Variants in MEGF11 observed in about 807,000 individuals in gnomAD.
The protein encoded by MEGF11 is multiple EGF like domains 11, also known as multiple epidermal growth factor-like domains protein 11.
A neutral mutation model predicts 146.6 loss-of-function variants in MEGF11; 126 were observed. The ratio of observed to expected loss-of-function variants is 0.86; its 90% confidence interval spans 0.74 to 1.00. The LOEUF is 1.00. MEGF11 is among the 50% of genes least tolerant of loss of function. The pLI is 0.00. For missense variants in MEGF11, 1,509 were observed against 1,521.2 expected (o/e 0.99, Z 0.13); for synonymous variants, 532 against 583.4 (o/e 0.91, Z 1.27).
At chr15:65,968,680 G>A (rs766810364) in intron 8 of MEGF11, among the ~76,000 whole-genome samples, 1 of 152,048 alleles carries the variant, frequency 6.6e-6, no homozygotes. Context: ...GGAACAGAAG[G>A]ATAATCACAG....
chr15:66,206,959 G>C (rs1391971156), intron 1 of MEGF11, among the ~76,000 whole-genome samples: 3 of 152,114 alleles, frequency 2.0e-5, no homozygotes, highest in Non-Finnish European at 4.4e-5. Flanking sequence ...GCTTTGAGCA[G>C]CCAGAAGAAA....
chr15:66,061,381 G>T (rs950083635), intron 5 of MEGF11, among the ~76,000 whole-genome samples: 9 of 152,194 alleles, frequency 5.9e-5, no homozygotes, highest in Non-Finnish European at 1.3e-4. Flanking sequence ...GGGCTGGAAA[G>T]GCTTGACCCC....
In MEGF11 at chr15:65,993,883, C is replaced by G. The variant is rs558275897; in HGVS notation, c.395-11395G>C. On this transcript the variant is annotated intron_variant, in intron 5 of 25. Coordinates refer to ENST00000395614, the MANE Select transcript of MEGF11 (RefSeq NM_001385028.1). Reference sequence around the variant, plus strand: ...AGGGAGCCTCTCTCTATCTCTCTCACGGGCTGTGGGCAAGGCACCACCCTT... The same window carrying G: ...AGGGAGCCTCTCTCTATCTCTCTCAGGGGCTGTGGGCAAGGCACCACCCTT... Among the ~76,000 whole-genome samples the G allele has an allele frequency of 1.1e-3, 161 of 152,328 alleles. 2 individuals carry two copies. The South Asian group carries it at 0.033, about 31-fold the overall frequency.
chr15:66,173,705 C>T (rs2141124031), intron 1 of MEGF11, among the ~76,000 whole-genome samples: 1 of 152,292 alleles, frequency 6.6e-6, no homozygotes, highest in South Asian at 2.1e-4. Context: ...CCCTCCCCTC[C>T]CCAGGAAGGA....
intron 1 of MEGF11, among the ~76,000 whole-genome samples, chr15:66,197,669 G>C (rs566555900): frequency 6.6e-6 from 1 of 152,062 alleles, no homozygotes; most frequent in African/African-American, 2.4e-5. Context: ...TGATCCGCCC[G>C]CCTCAACCTC....
intron 5 of MEGF11, 117 bp downstream of exon 5, chr15:66,094,285 G>A (rs1466131086): frequency 1.4e-6 from 1 of 733,964 alleles, no homozygotes; most frequent in East Asian, 2.8e-5. Context: ...ACAGGCCCAG[G>A]TAGCCCACCC....
At chr15:66,135,659 C>G (rs1194628056) in intron 1 of MEGF11, among the ~76,000 whole-genome samples, 8 of 152,210 alleles carry the variant, frequency 5.3e-5, no homozygotes, top group African/African-American at 1.9e-4. Flanking sequence ...TCTGGCCCAT[C>G]TCCATTCTAG....
intron 1 of MEGF11, among the ~76,000 whole-genome samples, chr15:66,170,549 G>T (rs932656118): frequency 6.6e-6 from 1 of 152,220 alleles, no homozygotes; most frequent in Admixed American, 6.5e-5. Context: ...GGGCTTCAGC[G>T]TCCTGTCTGT....
intron 5 of MEGF11, among the ~76,000 whole-genome samples, chr15:66,059,344 C>T (rs1423208310): frequency 6.6e-6 from 1 of 152,198 alleles, no homozygotes; most frequent in Admixed American, 6.5e-5. Context: ...CCCCTTCTCC[C>T]AGCCCATAGC....
chr15:65,992,450 T>TGTGGGGG (rs776847440), intron 5 of MEGF11, among the ~76,000 whole-genome samples: 7 of 126,630 alleles, frequency 5.5e-5, no homozygotes, highest in African/African-American at 1.8e-4. Flanking sequence ...TGTGTGTGTG[T>TGTGGGGG]GGGGGGGGGG....
Position 66,229,361 on chromosome 15 carries a change from C to T in MEGF11, c.-9+24244G>A, listed in dbSNP as rs574706281. Among the ~76,000 whole-genome samples, 19 of 152,178 alleles carry T rather than the reference C, an allele frequency of 1.2e-4. No homozygotes were observed. In the South Asian group the frequency reaches 3.3e-3, roughly 27 times the overall value. On this transcript the variant is annotated intron_variant, in intron 1 of 25. Coordinates refer to ENST00000395614, the MANE Select transcript of MEGF11 (RefSeq NM_001385028.1). ...TGGGCCATGGCGACCTGGATATGCA[C>T]GTGTCCCAGCCGAATGGGGAGGCCA...
intron 4 of MEGF11, among the ~76,000 whole-genome samples, chr15:66,102,926 G>T (rs980304252): frequency 6.6e-6 from 1 of 152,194 alleles, no homozygotes; most frequent in African/African-American, 2.4e-5. Context: ...CACTTACTGT[G>T]TGCCACACAC....
At chr15:66,102,976 C>T (rs1366636447) in intron 4 of MEGF11, among the ~76,000 whole-genome samples, 1 of 152,226 alleles carries the variant, frequency 6.6e-6, no homozygotes, top group Non-Finnish European at 1.5e-5. Flanking sequence ...ACCTAATCTT[C>T]CCAAGCCTTT....
intron 1 of MEGF11, among the ~76,000 whole-genome samples, chr15:66,224,154 G>T (rs1204409319): frequency 6.6e-6 from 1 of 152,292 alleles, no homozygotes; most frequent in Non-Finnish European, 1.5e-5. Context: ...CCTATTACCA[G>T]CTCTGTGACC....
At chr15:65,915,734 G>A (rs2078975605) in intron 18 of MEGF11, 136 bp from the exon 19 acceptor site, 1 of 1,126,328 alleles carries the variant, frequency 8.9e-7, no homozygotes, top group Admixed American at 2.5e-5. Flanking sequence ...CTGTTGAGGA[G>A]CATTTATAGC....
intron 7 of MEGF11, among the ~76,000 whole-genome samples, chr15:65,973,321 C>T (rs1487563920): frequency 6.6e-6 from 1 of 152,176 alleles, no homozygotes; most frequent in Admixed American, 6.5e-5. Context: ...AGAAACTTGC[C>T]TCAAAAACAA....
chr15:65,926,682 CT>C (rs2079384060), intron 13 of MEGF11, among the ~76,000 whole-genome samples: 1 of 152,182 alleles, frequency 6.6e-6, no homozygotes, highest in South Asian at 2.1e-4. Context: ...TCAATCACTT[CT>C]TTGAAAAGAC....
chr15:66,220,669 C>A (rs1408163776), intron 1 of MEGF11, among the ~76,000 whole-genome samples: 1 of 142,314 alleles, frequency 7.0e-6, no homozygotes, highest in Non-Finnish European at 1.5e-5. Context: ...TCCAGAGTAG[C>A]TGGGACTACA....
At chr15:65,922,163 G>A (rs2079191520) in intron 15 of MEGF11, 175 bp downstream of exon 15, 1 of 690,892 alleles carries the variant, frequency 1.4e-6, no homozygotes, top group Non-Finnish European at 2.5e-6. Flanking sequence ...CTGTGTTAGG[G>A]CCTTTGTCTC....
Sources: allele counts gnomAD v4.1 joint callset (sites outside exome capture counted in the v4.1 genomes callset), GRCh38; gene constraint gnomAD v4.1.1; transcripts MANE v1.5; gene names NCBI Gene and HGNC (gene_info 2026-07-23, HGNC 2026-07-21).